Variants in NCAM2 observed in about 807,000 individuals in gnomAD.
NCAM2 encodes the protein neural cell adhesion molecule 2.
Under a neutral mutation model 98.1 loss-of-function variants are expected in NCAM2, and 30 were observed. The ratio of observed to expected loss-of-function variants is 0.31; its 90% confidence interval spans 0.23 to 0.41. NCAM2 has a LOEUF of 0.41. Ranked by LOEUF, NCAM2 falls within the 10% of genes least tolerant of loss-of-function variation. The pLI, the probability that NCAM2 is intolerant of heterozygous loss-of-function variation, is 1.00. For synonymous variants in NCAM2, 368 were observed against 342.4 expected, an observed-to-expected ratio of 1.07 and a Z score of -0.83; for missense variants, 867 against 1,005.8, an observed-to-expected ratio of 0.86 and a Z score of 1.87.
chr21:21,062,212 G>GT (rs2065337070), intron 1 of NCAM2, among the ~76,000 whole-genome samples: 2 of 152,180 alleles, frequency 1.3e-5, no homozygotes, highest in Admixed American at 6.5e-5. Context: ...TATAAACAAA[G>GT]TTGAAGGATA....
At chr21:21,352,106 A>C (rs989033667) in intron 8 of NCAM2, among the ~76,000 whole-genome samples, 1 of 151,832 alleles carries the variant, frequency 6.6e-6, no homozygotes, top group Non-Finnish European at 1.5e-5. Context: ...TTGCTTTGTC[A>C]CACAGGCTGG....
chr21:21,026,855 C>CTTTTTTTTTTT (rs752588922), intron 1 of NCAM2, among the ~76,000 whole-genome samples: 1 of 126,814 alleles, frequency 7.9e-6, no homozygotes, highest in Non-Finnish European at 1.7e-5. Context: ...TCTTCTTCTT[C>CTTTTTTTTTTT]TTTTTTTTTT....
intron 8 of NCAM2, among the ~76,000 whole-genome samples, chr21:21,368,920 C>G (rs975323872): frequency 1.3e-5 from 2 of 151,796 alleles, no homozygotes; most frequent in Non-Finnish European, 2.9e-5. Context: ...TCCAATTGTT[C>G]GTAAAACACC....
intron 15 of NCAM2, among the ~76,000 whole-genome samples, chr21:21,482,325 T>A (rs912535677): frequency 3.3e-5 from 5 of 152,156 alleles, no homozygotes; most frequent in Non-Finnish European, 5.9e-5. Context: ...AAAGATCATA[T>A]AATTTTATAA....
At chr21:21,276,302 C>T (rs946951292) in intron 1 of NCAM2, among the ~76,000 whole-genome samples, 9 of 152,066 alleles carry the variant, frequency 5.9e-5, no homozygotes, top group African/African-American at 2.2e-4. Context: ...GAGGGATTTG[C>T]AAAATACATA....
intron 1 of NCAM2, among the ~76,000 whole-genome samples, chr21:21,268,857 A>G (rs1297445403): frequency 6.6e-6 from 1 of 152,132 alleles, no homozygotes; most frequent in Non-Finnish European, 1.5e-5. Context: ...TTGGAGATCG[A>G]AAGTTGATTC....
chr21:21,518,321 G>A (rs2826875), intron 16 of NCAM2, among the ~76,000 whole-genome samples: 35,816 of 151,874 alleles, frequency 0.24, 4,507 homozygotes, highest in Admixed American at 0.32. Flanking sequence ...AGATTCAACT[G>A]TTCTCAAACA....
At chr21:21,373,751 C>A (rs1319415431) in intron 8 of NCAM2, 112 bp from the exon 9 acceptor site, 3 of 981,672 alleles carry the variant, frequency 3.1e-6, no homozygotes, top group Admixed American at 3.0e-5. Context: ...GGAACAGTTT[C>A]TTTTTTCTTT....
Position 21,538,254 on chromosome 21 carries a change from T to C in NCAM2, c.*297T>C, listed in dbSNP as rs1247159260. 5.3e-6 allele frequency: 1 copy of C among 187,734 alleles called. No homozygotes were observed. The highest frequency in any genetic ancestry group is 2.3e-5 in the African/African-American group (1 of 42,890). The allele number at this position is 187,734 out of a possible 1,614,324, so 11.6% of individuals were successfully genotyped here. A position where few individuals can be genotyped will look rare whatever the true frequency, so the allele number is the denominator to read the frequency against. ...GAAGTACTGGAATTTATTATGTGGC[T>C]AAAGTGCTCTATTTATTAAGAACTA... On this transcript the variant is annotated 3_prime_UTR_variant, in exon 18 of 18. Transcript: ENST00000400546.
chr21:21,023,676 T>C (rs1440558474), intron 1 of NCAM2, among the ~76,000 whole-genome samples: 2 of 152,146 alleles, frequency 1.3e-5, no homozygotes, highest in African/African-American at 4.8e-5. Context: ...AAATTAGCCA[T>C]GGAAACAGCC....
At chr21:21,069,266 C>T (rs1461314378) in intron 1 of NCAM2, among the ~76,000 whole-genome samples, 1 of 152,048 alleles carries the variant, frequency 6.6e-6, no homozygotes, top group Non-Finnish European at 1.5e-5. Context: ...AAGTGTCTTT[C>T]ATTGTATATA....
chr21:21,530,447 A>G (rs1001169101), intron 16 of NCAM2, among the ~76,000 whole-genome samples: 1 of 150,154 alleles, frequency 6.7e-6, no homozygotes, highest in Non-Finnish European at 1.5e-5. Context: ...CTTAATCAAT[A>G]CTGATCCTAT....
intron 12 of NCAM2, among the ~76,000 whole-genome samples, chr21:21,442,343 A>C (rs1979421459): frequency 6.6e-6 from 1 of 152,180 alleles, no homozygotes. Flanking sequence ...GAATTTCCTT[A>C]GATGCGTAGG....
chr21:21,373,303 G>T (rs1027350155), intron 8 of NCAM2, among the ~76,000 whole-genome samples: 1 of 151,818 alleles, frequency 6.6e-6, no homozygotes, highest in Non-Finnish European at 1.5e-5. Flanking sequence ...AGAAAATTAT[G>T]TAGTTCAAAT....
At chr21:21,135,180 A>G (rs188902409) in intron 1 of NCAM2, among the ~76,000 whole-genome samples, 171 of 141,508 alleles carry the variant, frequency 1.2e-3, no homozygotes, top group African/African-American at 4.2e-3. Flanking sequence ...AGGGAGGCGG[A>G]GTTTGCAGTG....
intron 9 of NCAM2, among the ~76,000 whole-genome samples, chr21:21,394,098 G>C (rs932804985): frequency 1.3e-5 from 2 of 152,124 alleles, no homozygotes; most frequent in Non-Finnish European, 2.9e-5. Flanking sequence ...AATATGCTGA[G>C]ATGTATGCAT....
chr21:21,082,009 G>A (rs1279931528), intron 1 of NCAM2, among the ~76,000 whole-genome samples: 5 of 150,604 alleles, frequency 3.3e-5, no homozygotes, highest in African/African-American at 4.9e-5. Context: ...AGGCAGAGGC[G>A]GGTGGATCAG....
chr21:21,345,947 C>A (rs773809041), intron 8 of NCAM2, among the ~76,000 whole-genome samples: 1 of 151,796 alleles, frequency 6.6e-6, no homozygotes, highest in Non-Finnish European at 1.5e-5. Flanking sequence ...AGAAAATCAC[C>A]CTCACTGAAG....
chr21:21,477,522 C>T, intron 15 of NCAM2, 51 bp downstream of exon 15: 1 of 1,327,258 alleles, frequency 7.5e-7, no homozygotes, highest in Non-Finnish European at 1.0e-6. Flanking sequence ...ATGATACCAC[C>T]TTTTTATAAC....
Sources: allele counts gnomAD v4.1 joint callset (sites outside exome capture counted in the v4.1 genomes callset), GRCh38; gene constraint gnomAD v4.1.1; transcripts MANE v1.5; gene names NCBI Gene and HGNC (gene_info 2026-07-23, HGNC 2026-07-21).